ZFAT: variants seen among roughly 807,000 people sequenced by gnomAD.
The protein encoded by ZFAT is zinc finger protein ZFAT.
In ZFAT, 64 loss-of-function variants were observed where a neutral mutation model predicts 117.7. That is an observed-to-expected ratio of 0.54 (90% CI 0.44 to 0.67). The LOEUF is 0.67. ZFAT is among the 30% of genes least tolerant of loss of function. The pLI, the probability that ZFAT is intolerant of heterozygous loss-of-function variation, is 0.00. For missense variants in ZFAT, 1,433 were observed against 1,584.5 expected (o/e 0.90, Z 1.62); for synonymous variants, 679 against 615.0 (o/e 1.10, Z -1.54).
At chr8:134,760,452 C>A in the ZFAT span, among the ~76,000 whole-genome samples, 4 of 152,140 alleles carry the variant, frequency 2.6e-5, no homozygotes, top group African/African-American at 9.6e-5. Context: ...GAGAGAGGAC[C>A]ACACTTACCT....
chr8:134,693,495 C>A (rs947161214), intron 1 of ZFAT, among the ~76,000 whole-genome samples: 5 of 152,110 alleles, frequency 3.3e-5, no homozygotes, highest in African/African-American at 9.7e-5. Flanking sequence ...AAAATAGTAA[C>A]AATGTGAGGT....
Position 134,478,377 on chromosome 8 carries a change from G to A in ZFAT, c.*105C>T. The A allele has an allele frequency of 6.8e-7, 1 of 1,465,170 alleles. No individual in the cohort carries two copies. The allele number at this position is 1,465,170 out of a possible 1,614,324, so 90.8% of individuals were successfully genotyped here. A position where few individuals can be genotyped will look rare whatever the true frequency, so the allele number is the denominator to read the frequency against. On this transcript the variant is annotated 3_prime_UTR_variant, in exon 16 of 16. Transcript: ENST00000377838. This position sits in a 1 kb window ranked among gnomAD's most constrained non-coding sequence, Gnocchi z 5.2. Reference sequence around the variant, plus strand: ...CAGGCTGCTGGGCAGGGAGGGCAAAGGAGAGCACCATTCTGCGGGTAGGGC... The same window carrying A: ...CAGGCTGCTGGGCAGGGAGGGCAAAAGAGAGCACCATTCTGCGGGTAGGGC...
At chr8:134,705,326 G>A (rs1363351920) in intron 1 of ZFAT, among the ~76,000 whole-genome samples, 1 of 149,570 alleles carries the variant, frequency 6.7e-6, no homozygotes. Flanking sequence ...TCAGCCTCCT[G>A]ATTAGCTGGG....
chr8:134,729,534 C>T, the ZFAT span, among the ~76,000 whole-genome samples: 3 of 152,090 alleles, frequency 2.0e-5, no homozygotes, highest in Non-Finnish European at 2.9e-5. Context: ...GGGGTTTCAC[C>T]GTGTTAGCCA....
intron 15 of ZFAT, among the ~76,000 whole-genome samples, chr8:134,487,360 T>C (rs1388099003): frequency 6.6e-6 from 1 of 152,124 alleles, no homozygotes; most frequent in African/African-American, 2.4e-5. Flanking sequence ...TTGTGGATGC[T>C]ATACCTCCTG....
At chr8:134,508,846 T>G (rs1586609444) in intron 15 of ZFAT, among the ~76,000 whole-genome samples, 2 of 152,254 alleles carry the variant, frequency 1.3e-5, no homozygotes, top group Admixed American at 1.3e-4. Context: ...TTTGCATTTC[T>G]TCTTTCTCTG....
chr8:134,489,969 C>T (rs1319420474), intron 15 of ZFAT, among the ~76,000 whole-genome samples: 1 of 152,196 alleles, frequency 6.6e-6, no homozygotes, highest in Non-Finnish European at 1.5e-5. Context: ...TCTGCTCTTA[C>T]ACACACTCCA....
intron 15 of ZFAT, among the ~76,000 whole-genome samples, chr8:134,482,877 AG>A (rs1433920746): frequency 6.6e-6 from 1 of 152,224 alleles, no homozygotes; most frequent in Non-Finnish European, 1.5e-5. Context: ...CAAGACACGC[AG>A]GGTTCCTGAA....
intron 1 of ZFAT, among the ~76,000 whole-genome samples, chr8:134,670,360 C>A (rs562247394): frequency 1.3e-5 from 2 of 152,368 alleles, no homozygotes; most frequent in Admixed American, 6.5e-5. Context: ...AAGTAAAGCA[C>A]TCCTCAGCAA....
At chr8:134,652,121 C>G (rs1483133751) in intron 2 of ZFAT, among the ~76,000 whole-genome samples, 5 of 152,180 alleles carry the variant, frequency 3.3e-5, no homozygotes, top group African/African-American at 9.7e-5. Flanking sequence ...AGTTCAAGAC[C>G]AGCCTGGCCA....
chr8:134,608,338 G>T (rs1383742243), intron 5 of ZFAT, among the ~76,000 whole-genome samples: 4 of 152,176 alleles, frequency 2.6e-5, no homozygotes, highest in African/African-American at 9.7e-5. Flanking sequence ...ACACACTTGT[G>T]TTACTTTTGA....
At chr8:134,821,135 T>C in the ZFAT span, among the ~76,000 whole-genome samples, 2 of 152,236 alleles carry the variant, frequency 1.3e-5, no homozygotes, top group Non-Finnish European at 2.9e-5. Context: ...TGCTATTTTA[T>C]ACAAATGGTG....
At chr8:134,636,075 A>T (rs550747701) in intron 3 of ZFAT, among the ~76,000 whole-genome samples, 1 of 152,184 alleles carries the variant, frequency 6.6e-6, no homozygotes, top group Non-Finnish European at 1.5e-5. Context: ...GATGTTGGCA[A>T]TGAGCCTTGG....
At chr8:134,717,451 A>C (rs1444242727), upstream of ZFAT, among the ~76,000 whole-genome samples, 1 of 128,466 alleles carries the variant, frequency 7.8e-6, no homozygotes, top group Non-Finnish European at 1.6e-5. Context: ...GAAATTGGTC[A>C]AGTCAATAAC....
chr8:134,744,442 C>T, the ZFAT span, among the ~76,000 whole-genome samples: 1 of 151,834 alleles, frequency 6.6e-6, no homozygotes, highest in Admixed American at 6.6e-5. Context: ...ATTACAGGCA[C>T]CCGCCACCAT....
intron 1 of ZFAT, among the ~76,000 whole-genome samples, chr8:134,702,717 G>A (rs1000681651): frequency 6.6e-5 from 10 of 151,398 alleles, no homozygotes; most frequent in African/African-American, 2.2e-4. Context: ...TGTCGCCCAG[G>A]CTGGAGTACA....
chr8:134,635,178 G>T (rs1214731506), intron 3 of ZFAT, among the ~76,000 whole-genome samples: 2 of 152,150 alleles, frequency 1.3e-5, no homozygotes, highest in African/African-American at 4.8e-5. Flanking sequence ...GTTTTAGAGA[G>T]TTGACCCTAA....
chr8:134,617,738 C>G (rs183181358), intron 3 of ZFAT, among the ~76,000 whole-genome samples: 1 of 152,216 alleles, frequency 6.6e-6, no homozygotes, highest in African/African-American at 2.4e-5. Flanking sequence ...AGCTGCGCTG[C>G]CCAACCCACC....
chr8:134,820,820 T>A, the ZFAT span, among the ~76,000 whole-genome samples: 2 of 152,328 alleles, frequency 1.3e-5, no homozygotes, highest in East Asian at 3.9e-4. Flanking sequence ...CACAGTGCCT[T>A]CCTTATGAAA....
Sources: gnomAD v4.1 joint callset for allele counts (sites outside exome capture counted in the v4.1 genomes callset) on GRCh38, gnomAD v4.1.1 for gene constraint, Gnocchi (gnomAD v3.1) non-coding constraint, MANE v1.5 for transcripts, NCBI Gene and HGNC (gene_info 2026-07-23, HGNC 2026-07-21) for gene names.